Variants in WNK3 observed in about 807,000 individuals in gnomAD.
WNK3 encodes the protein WNK lysine deficient protein kinase 3.
Under a neutral mutation model 116.7 loss-of-function variants are expected in WNK3, and 18 were observed. The observed-to-expected ratio is 0.15, with a 90% confidence interval of 0.11 to 0.23. The LOEUF (loss-of-function observed/expected upper bound fraction) is 0.23. Among genes scored for constraint, WNK3 ranks in the 10% least tolerant of loss-of-function variants. The pLI is 1.00. For missense variants in WNK3, 993 were observed against 1,323.8 expected (o/e 0.75, Z 3.88); for synonymous variants, 404 against 469.4 (o/e 0.86, Z 1.80).
At chrX:54,352,158 T>C (rs979463766) in intron 1 of WNK3, among the ~76,000 whole-genome samples, 3 of 111,387 alleles carry the variant, frequency 2.7e-5, no homozygotes, top group Middle Eastern at 4.6e-3. Context: ...CCCAACATCA[T>C]TAGGGAAATA....
intron 5 of WNK3, among the ~76,000 whole-genome samples, chrX:54,306,100 A>T (rs1276669884): frequency 9.0e-6 from 1 of 111,397 alleles, no homozygotes; most frequent in Non-Finnish European, 1.9e-5. Flanking sequence ...TGCATTAAAA[A>T]ACAGTATCTC....
At chrX:54,288,351 T>C (rs1270141014) in intron 10 of WNK3, among the ~76,000 whole-genome samples, 5 of 111,685 alleles carry the variant, frequency 4.5e-5, no homozygotes, top group Non-Finnish European at 9.4e-5. Context: ...TGCCTGTCAA[T>C]GAGGTACCTG....
At chrX:54,343,797 G>A (rs782248822) in intron 1 of WNK3, 3 of 109,612 alleles carry the variant, frequency 2.7e-5, no homozygotes, top group African/African-American at 9.9e-5. Flanking sequence ...GAGTAGCTGG[G>A]ACTACAGGCA....
At chrX:54,236,981 C>T in exon 20 of WNK3, 1 of 1,209,800 alleles carries the variant, frequency 8.3e-7, no homozygotes, top group Non-Finnish European at 1.1e-6. Flanking sequence ...TCCTCATCCT[C>T]TATTTCTGAT....
intron 10 of WNK3, among the ~76,000 whole-genome samples, chrX:54,269,685 A>G (rs1464624057): frequency 9.0e-6 from 1 of 111,469 alleles, no homozygotes; most frequent in Non-Finnish European, 1.9e-5. Flanking sequence ...TGGATAGGAG[A>G]ATGGATAACT....
At chrX:54,334,083 G>A (rs1480456008) in intron 1 of WNK3, among the ~76,000 whole-genome samples, 1 of 110,538 alleles carries the variant, frequency 9.0e-6, no homozygotes, top group Non-Finnish European at 1.9e-5. Flanking sequence ...AATTCAAAAT[G>A]AGTACCCAAA....
intron 10 of WNK3, among the ~76,000 whole-genome samples, chrX:54,282,986 T>TA (rs1314119199): frequency 2.9e-4 from 33 of 111,957 alleles, no homozygotes; most frequent in African/African-American, 9.7e-4. Flanking sequence ...ATCAAACTTT[T>TA]AAAAAAATTA....
intron 1 of WNK3, among the ~76,000 whole-genome samples, chrX:54,340,467 G>A (rs1171278122): frequency 2.7e-5 from 3 of 109,771 alleles, no homozygotes; most frequent in East Asian, 5.7e-4. Flanking sequence ...AAAATTAGCC[G>A]GGCAGTAGTG....
chrX:54,218,592 GAA>G (rs2067725619), intron 22 of WNK3, among the ~76,000 whole-genome samples: 2 of 105,695 alleles, frequency 1.9e-5, no homozygotes, highest in South Asian at 8.4e-4. Context: ...AAAAAGAAAA[GAA>G]AAGAAAGAGG....
At chrX:54,303,807 C>T (rs1486886035) in intron 5 of WNK3, among the ~76,000 whole-genome samples, 10 of 110,918 alleles carry the variant, frequency 9.0e-5, no homozygotes, top group Non-Finnish European at 1.7e-4. Context: ...GTTATTCTAC[C>T]TATGGAAAAA....
intron 2 of WNK3, among the ~76,000 whole-genome samples, chrX:54,331,368 A>ATG (rs1400139523): frequency 9.2e-6 from 1 of 108,886 alleles, no homozygotes. Flanking sequence ...AGAAAGATAT[A>ATG]TGTGTGTGTG....
At chrX:54,214,121 C>T (rs917215366) in intron 22 of WNK3, among the ~76,000 whole-genome samples, 6 of 110,710 alleles carry the variant, frequency 5.4e-5, no homozygotes, top group African/African-American at 1.3e-4. Flanking sequence ...GGATTACAGG[C>T]GCGTGCCACC....
intron 10 of WNK3, among the ~76,000 whole-genome samples, chrX:54,290,973 G>A (rs1557164915): frequency 1.8e-5 from 2 of 111,412 alleles, no homozygotes; most frequent in African/African-American, 6.5e-5. Context: ...TTATACATGT[G>A]TACACAGAAA....
At chrX:54,214,914 G>A (rs545493635) in intron 22 of WNK3, among the ~76,000 whole-genome samples, 11 of 109,244 alleles carry the variant, frequency 1.0e-4, no homozygotes, top group Middle Eastern at 4.8e-3. Flanking sequence ...TCAGGAGGCC[G>A]AGGCAGGAAA....
At chrX:54,199,896 T>A (rs1429124708) in intron 23 of WNK3, among the ~76,000 whole-genome samples, 2 of 112,221 alleles carry the variant, frequency 1.8e-5, no homozygotes, top group African/African-American at 6.5e-5. Context: ...CATTACCACT[T>A]TTAAGACTCC....
chrX:54,267,110 G>A (rs1557157924), intron 10 of WNK3, among the ~76,000 whole-genome samples: 1 of 111,859 alleles, frequency 8.9e-6, no homozygotes, highest in Non-Finnish European at 1.9e-5. Flanking sequence ...GCACACGTAT[G>A]TTTACTGCAG....
intron 2 of WNK3, among the ~76,000 whole-genome samples, chrX:54,312,540 T>C (rs940690931): frequency 1.7e-4 from 19 of 110,020 alleles, no homozygotes; most frequent in African/African-American, 6.3e-4. Flanking sequence ...CGGGGTCAAG[T>C]GATTCTCCTG....
chrX:54,283,196 C>T (rs1419016183), intron 10 of WNK3, among the ~76,000 whole-genome samples: 1 of 112,069 alleles, frequency 8.9e-6, no homozygotes, highest in Non-Finnish European at 1.9e-5. Flanking sequence ...GTAATCCTGG[C>T]ACTTTGGGAG....
intron 6 of WNK3, among the ~76,000 whole-genome samples, chrX:54,300,066 T>G (rs147623880): frequency 0.028 from 3,051 of 110,684 alleles, 118 homozygotes; most frequent in African/African-American, 0.097. Context: ...CGTCATGTTG[T>G]CCAGGCTGGT....
Sources: allele counts gnomAD v4.1 joint callset (sites outside exome capture counted in the v4.1 genomes callset), GRCh38; gene constraint gnomAD v4.1.1; transcripts MANE v1.5; gene names NCBI Gene and HGNC (gene_info 2026-07-23, HGNC 2026-07-21).